CTDSP2: variants seen among roughly 807,000 people sequenced by gnomAD.
CTDSP2 encodes CTD small phosphatase 2.
Under a neutral mutation model 31.6 loss-of-function variants are expected in CTDSP2, and 9 were observed. The ratio of observed to expected loss-of-function variants is 0.28; its 90% CI spans 0.17 to 0.50. CTDSP2 has a LOEUF of 0.50. CTDSP2 is among the 20% of genes least tolerant of loss of function. CTDSP2 has a pLI of 0.98. For synonymous variants in CTDSP2, 134 were observed against 134.5 expected (o/e 1.00, Z 0.03); for missense variants, 267 against 348.5 (o/e 0.77, Z 1.86).
intron 1 of CTDSP2, among the ~76,000 whole-genome samples, chr12:57,844,392 T>G (rs572502070): frequency 1.3e-5 from 2 of 152,372 alleles, no homozygotes; most frequent in South Asian, 4.1e-4. Flanking sequence ...CTTCCAGCTC[T>G]GATTTCTAAG....
chr12:57,831,933 G>A (rs1956218199), intron 1 of CTDSP2, among the ~76,000 whole-genome samples: 2 of 152,256 alleles, frequency 1.3e-5, no homozygotes, highest in Admixed American at 1.3e-4. Flanking sequence ...TTACTGGGCT[G>A]CCAGTACCCC....
intron 1 of CTDSP2, among the ~76,000 whole-genome samples, chr12:57,839,526 G>T (rs1051180350): frequency 2.6e-5 from 4 of 152,130 alleles, no homozygotes; most frequent in Non-Finnish European, 5.9e-5. Context: ...AGACCATCCT[G>T]GCTAACACAG....
intron 1 of CTDSP2, chr12:57,842,328 T>C (rs1366275380): frequency 1.3e-5 from 2 of 152,302 alleles, no homozygotes; most frequent in Middle Eastern, 3.4e-3. Context: ...ACAAAATCCA[T>C]GATAAGGGAT....
At position 57,828,127 on chromosome 12, in the gene CTDSP2, A is replaced by G. The variant is rs566471101; in HGVS notation, c.214-537T>C. 1.8e-3 allele frequency among the ~76,000 whole-genome samples: 281 copies of G among 152,258 alleles called. 1 individual carries two copies. The highest frequency in any genetic ancestry group is 5.8e-3 in the African/African-American group (239 of 41,554). ...CCCCACCCCAATTTTTGCTAATACA[A>G]ATGTTATGACCGCCGGGCGCAGTGG... On this transcript the variant is annotated intron_variant, in intron 2 of 7. Coordinates refer to ENST00000398073, the MANE Select transcript of CTDSP2 (RefSeq NM_005730.4).
At chr12:57,836,864 C>G (rs1956251011) in intron 1 of CTDSP2, among the ~76,000 whole-genome samples, 1 of 152,216 alleles carries the variant, frequency 6.6e-6, no homozygotes, top group South Asian at 2.1e-4. Flanking sequence ...CAGATTTTAA[C>G]AAGCCCATTC....
intron 1 of CTDSP2, 60 bp from the exon 2 acceptor site, chr12:57,829,656 T>A: frequency 4.7e-6 from 7 of 1,473,912 alleles, no homozygotes; most frequent in Non-Finnish European, 6.6e-6. Context: ...TGTCCACAGA[T>A]ACTACCATGC....
intron 1 of CTDSP2, among the ~76,000 whole-genome samples, chr12:57,833,665 G>A (rs1350507343): frequency 6.6e-6 from 1 of 152,246 alleles, no homozygotes; most frequent in Non-Finnish European, 1.5e-5. Context: ...GCCTGGTTGA[G>A]TGAATGACTC....
intron 3 of CTDSP2, 132 bp downstream of exon 3, chr12:57,827,420 G>A: frequency 1.0e-6 from 1 of 972,282 alleles, no homozygotes. Flanking sequence ...CAAGTATGGG[G>A]AACAAATGGC....
intron 1 of CTDSP2, among the ~76,000 whole-genome samples, chr12:57,840,504 T>C (rs1478159981): frequency 6.6e-6 from 1 of 152,158 alleles, no homozygotes; most frequent in Non-Finnish European, 1.5e-5. Flanking sequence ...AGGCCCCTGT[T>C]CCTGTGAAAG....
Position 57,846,590 on chromosome 12 carries a change from C to G in CTDSP2, c.-155G>C, listed in dbSNP as rs890124232. 3.0e-5 allele frequency: 19 copies of G among 625,448 alleles called. No individual in the cohort carries two copies. The African/African-American group carries it at 3.6e-4, about 12-fold the overall frequency. 38.7% of individuals were successfully genotyped at this position (625,448 alleles called of 1,614,324 possible). A position where few individuals can be genotyped will look rare whatever the true frequency, so the allele number is the denominator to read the frequency against. On this transcript the variant is annotated 5_prime_UTR_variant, in exon 1 of 8. Transcript: ENST00000398073. ...CCCCCCTCTCGTTTCCTCCCCGGAC[C>G]GGGAAGGGAGGCGGCCTGTACAAAG...
In CTDSP2 at chr12:57,846,714, G is replaced by C. The variant is rs1461597521; in HGVS notation, c.-279C>G. 2 of 351,428 alleles carry C rather than the reference G, an allele frequency of 5.7e-6. No homozygotes were observed. Among genetic ancestry groups the C allele is most frequent in the Admixed American group, 4.9e-5 (1 of 20,278 alleles). 21.8% of individuals were successfully genotyped at this position (351,428 alleles called of 1,614,324 possible). On this transcript the variant is annotated 5_prime_UTR_variant, in exon 1 of 8. Transcript: ENST00000398073. ...AGTTTGGGTCCAACATGGAGAATCC[G>C]GAGCGAAAACAAGAGGAGGAAATGG... is the stretch of plus-strand genomic sequence containing the variant.
intron 2 of CTDSP2, among the ~76,000 whole-genome samples, chr12:57,828,408 C>T (rs1038463353): frequency 4.3e-5 from 6 of 141,054 alleles, no homozygotes; most frequent in Admixed American, 1.5e-4. Flanking sequence ...GCAACAAGAG[C>T]GAAACTCCAT....
rs1048081629 is a variant in CTDSP2 at position 57,830,446 on chromosome 12, A to C, written c.65-850T>G. Among the ~76,000 whole-genome samples the C allele has an allele frequency of 3.9e-5, 6 of 152,148 alleles. No homozygotes were observed. In the East Asian group the frequency reaches 5.8e-4, roughly 15 times the overall value. ...CCAACAACAACAACAACAACAACAA[A>C]AAACCACTTCAGGCTAGAAACAAGA... On this transcript the variant is annotated intron_variant, in intron 1 of 7. Transcript: ENST00000398073.
intron 2 of CTDSP2, among the ~76,000 whole-genome samples, chr12:57,828,739 G>C (rs2140475987): frequency 6.6e-6 from 1 of 152,328 alleles, no homozygotes; most frequent in East Asian, 1.9e-4. Context: ...CTTCAGCCTG[G>C]TCTTGAGAAA....
At chr12:57,832,670 T>C (rs1956222977) in intron 1 of CTDSP2, among the ~76,000 whole-genome samples, 1 of 151,190 alleles carries the variant, frequency 6.6e-6, no homozygotes, top group African/African-American at 2.4e-5. Context: ...CACACACCTG[T>C]AGTCCCAGCT....
chr12:57,845,758 C>T (rs1243013427), intron 1 of CTDSP2, among the ~76,000 whole-genome samples: 1 of 152,080 alleles, frequency 6.6e-6, no homozygotes, highest in Non-Finnish European at 1.5e-5. Context: ...GCCAAGGTCC[C>T]GGGGCCTGCG....
In CTDSP2 at chr12:57,846,389, A is replaced by G. The variant is rs1269862643; in HGVS notation, c.47T>C (p.Leu16Pro). 1 of 1,608,646 alleles carries G rather than the reference A, an allele frequency of 6.2e-7. No individual in the cohort carries two copies. Among genetic ancestry groups the G allele is most frequent in the Non-Finnish European group, 8.5e-7 (1 of 1,177,814 alleles). The change falls in exon 1 of 8, where the codon CTG (leucine) becomes CCG (proline). Residue 16 changes from leucine (L) to proline (P), a missense_variant. Physicochemically the swap from Leu to Pro is moderately conservative, Grantham distance 98 (BLOSUM62 -3). This residue lies in a region of CTDSP2 where 111 missense variants were observed against 107.1 expected (regional missense o/e 1.04). Transcript: ENST00000398073. ...GCCCCTACCTTGCTTGGTGAGCACC[A>G]GGGCGTCTTCCCTCCGCGCCTGGGT... is the stretch of plus-strand genomic sequence containing the variant. ...IITQARREDA[L>P]VLTKQGLVSK...
rs904567774 is a variant in CTDSP2 at position 57,824,017 on chromosome 12, C to T, written c.577G>A (p.Val193Met). Residue 193 changes from valine (V) to methionine (M), a missense_variant, in exon 7 of 8, where the codon GTG (valine) becomes ATG (methionine). Val to Met is a conservative substitution (Grantham distance 21). Coordinates refer to ENST00000398073, the MANE Select transcript of CTDSP2 (RefSeq NM_005730.4). ...TTGACGTAGCAGCCCTGGTGGAACACGCAAGACTCACGGAATAGGCGGGCC... is the reference window on the plus strand; with the variant it reads ...TTGACGTAGCAGCCCTGGTGGAACATGCAAGACTCACGGAATAGGCGGGCC... ...FRARLFRESC[V>M]FHQGCYVKDL... 8.1e-6 allele frequency: 13 copies of T among 1,614,110 alleles called. No homozygotes were observed. The highest frequency in any genetic ancestry group is 1.0e-5 in the Non-Finnish European group (12 of 1,180,014).
chr12:57,835,942 C>T (rs960924574), intron 1 of CTDSP2, among the ~76,000 whole-genome samples: 1 of 152,192 alleles, frequency 6.6e-6, no homozygotes, highest in African/African-American at 2.4e-5. Flanking sequence ...TCACTCAGGA[C>T]TGAAAGGATA....
Sources: gnomAD v4.1 joint callset for allele counts (sites outside exome capture counted in the v4.1 genomes callset) on GRCh38, gnomAD v4.1.1 for gene constraint, gnomAD v4.1.1 regional missense constraint, MANE v1.5 for transcripts, NCBI Gene and HGNC (gene_info 2026-07-23, HGNC 2026-07-21) for gene names.